Variants in SYDE2 observed in about 807,000 individuals in gnomAD.
The protein encoded by SYDE2 is synapse defective Rho GTPase homolog 2.
In SYDE2, 76 loss-of-function variants were observed where a neutral mutation model predicts 91.5. That is an observed-to-expected ratio of 0.83 (90% confidence interval 0.69 to 1.01). The LOEUF (loss-of-function observed/expected upper bound fraction) is 1.01, where lower values mean the gene tolerates loss of function less well. SYDE2 is among the 50% of genes least tolerant of loss of function. SYDE2 has a pLI of 0.00. For synonymous variants in SYDE2, 513 were observed against 506.4 expected (o/e 1.01, Z -0.18); for missense variants, 1,364 against 1,367.7 (o/e 1.00, Z 0.04).
At chr1:85,172,407 G>T (rs1270692182) in intron 4 of SYDE2, among the ~76,000 whole-genome samples, 1 of 152,138 alleles carries the variant, frequency 6.6e-6, no homozygotes, top group Non-Finnish European at 1.5e-5. Flanking sequence ...TAATGACTTT[G>T]AAGTACATGG....
chr1:85,191,349 T>A (rs1658355804), intron 1 of SYDE2, among the ~76,000 whole-genome samples: 2 of 152,168 alleles, frequency 1.3e-5, no homozygotes, highest in South Asian at 4.1e-4. Flanking sequence ...GGCCCCAGAT[T>A]AGAAGCAGGT....
Position 85,169,199 on chromosome 1 carries a change from G to A in SYDE2, c.2698C>T (p.Leu900Phe), listed in dbSNP as rs749986449. ...TGCTTTGTTATCAGAGGAGAAGGGAGTTCTCTTAAATAATCCTTAAGAACA... is the reference window on the plus strand; with the variant it reads ...TGCTTTGTTATCAGAGGAGAAGGGAATTCTCTTAAATAATCCTTAAGAACA... ...TGVLKDYLRE[L>F]PSPLITKQLY... Residue 900 changes from leucine to phenylalanine, a missense_variant, in exon 5 of 7, where the codon CTC (leucine) becomes TTC (phenylalanine). Transcript: ENST00000341460. 3.1e-6 allele frequency: 5 copies of A among 1,613,148 alleles called. No homozygotes were observed. In the South Asian group the frequency reaches 5.5e-5, roughly 18 times the overall value.
chr1:85,189,901 T>C (rs1658294407), intron 2 of SYDE2, among the ~76,000 whole-genome samples, 156 bp downstream of exon 2: 1 of 152,248 alleles, frequency 6.6e-6, no homozygotes, highest in Non-Finnish European at 1.5e-5. Context: ...TTAAAATGTT[T>C]ATAAAACTTT....
At chr1:85,191,713 G>A (rs919913469) in intron 1 of SYDE2, among the ~76,000 whole-genome samples, 5 of 149,474 alleles carry the variant, frequency 3.3e-5, no homozygotes, top group South Asian at 2.1e-4. Flanking sequence ...AGCCGAGATC[G>A]TGCCACTGCA....
In SYDE2 at chr1:85,183,200, C is replaced by T; in HGVS notation, c.1442G>A (p.Gly481Asp). 6.5e-7 allele frequency: 1 copy of T among 1,536,718 alleles called. No individual in the cohort carries two copies. The highest frequency in any genetic ancestry group is 8.7e-7 in the Non-Finnish European group (1 of 1,148,650). Residue 481 changes from glycine (G) to aspartate (D), a missense_variant and splice_region_variant, in exon 3 of 7, where the codon GGT becomes GAT. Physicochemically the swap from Gly to Asp is moderately conservative, Grantham distance 94. Transcript: ENST00000341460. ...DSPMLKSPFA[G>D]SGILAATNST... ...ATTTGTAGCAGCCAGGATCCCAGAA[C>T]CTTAAAAGAAAGAAAGAAAAATACG... is the stretch of plus-strand genomic sequence containing the variant.
chr1:85,153,536 T>C (rs1656818169), downstream of SYDE2: 1 of 152,168 alleles, frequency 6.6e-6, no homozygotes, highest in African/African-American at 2.4e-5. Context: ...CTATGTAAAT[T>C]CTAAGAAAGG....
intron 1 of SYDE2, among the ~76,000 whole-genome samples, chr1:85,195,158 T>TA (rs71818368): frequency 0.026 from 3,732 of 143,544 alleles, 67 homozygotes; most frequent in African/African-American, 0.049. Context: ...AGACTCCATC[T>TA]AAAAAAAAAA....
intron 3 of SYDE2, 125 bp downstream of exon 3, chr1:85,181,973 A>G: frequency 9.3e-7 from 1 of 1,071,404 alleles, no homozygotes; most frequent in Non-Finnish European, 1.3e-6. Flanking sequence ...TGGAATAAAA[A>G]TAAAGAATAG....
intron 2 of SYDE2, among the ~76,000 whole-genome samples, chr1:85,186,746 G>A (rs1341887029): frequency 1.3e-5 from 2 of 151,688 alleles, no homozygotes; most frequent in Non-Finnish European, 2.9e-5. Flanking sequence ...ACAAACCTGA[G>A]AAAAACAAGC....
rs760572063 is a variant in SYDE2 at position 85,190,606 on chromosome 1, G to C, written c.892C>G (p.Pro298Ala). The change falls in exon 2 of 7, where the codon CCT (proline) becomes GCT (alanine). Residue 298 changes from proline to alanine, a missense_variant. By Grantham distance (27) the Pro-to-Ala change is conservative. Coordinates refer to ENST00000341460, the MANE Select transcript of SYDE2 (RefSeq NM_032184.2). ...RNWLYQSTLR[P>A]LNLEEENKKC... is the part of the protein sequence containing the mutation. ...TTATTTTCTTCTTCCAGATTAAGAG[G>C]CCTCAGAGTACTCTGATATAGCCAA... is the stretch of plus-strand genomic sequence containing the variant. 45 of 1,613,750 alleles carry C rather than the reference G, an allele frequency of 2.8e-5. No homozygotes were observed. Among genetic ancestry groups the C allele is most frequent in the Non-Finnish European group, 3.6e-5 (43 of 1,179,864 alleles).
intron 1 of SYDE2, among the ~76,000 whole-genome samples, chr1:85,195,390 C>G (rs1030884572): frequency 1.3e-5 from 2 of 152,072 alleles, no homozygotes; most frequent in African/African-American, 4.8e-5. Context: ...TAGAGTCAAA[C>G]TTGGCAGTCC....
chr1:85,186,112 A>G (rs1658129204), intron 2 of SYDE2, among the ~76,000 whole-genome samples: 1 of 151,828 alleles, frequency 6.6e-6, no homozygotes. Context: ...TGATTTGCGT[A>G]TATTGAACCA....
At position 85,178,185 on chromosome 1, in the gene SYDE2, G is replaced by C. The variant is rs747225697; in HGVS notation, c.2632C>G (p.Leu878Val). 2.5e-6 allele frequency: 4 copies of C among 1,584,730 alleles called. No homozygotes were observed. Among genetic ancestry groups the C allele is most frequent in the Non-Finnish European group, 3.4e-6 (4 of 1,164,160 alleles). Residue 878 changes from leucine to valine, a missense_variant, in exon 4 of 7, where the codon CTG becomes GTG. Leu to Val is a conservative substitution (Grantham distance 32). Transcript: ENST00000341460. ...ATATCTGGGTACTGGTTTTCACACA[G>C]ACCAACAGCTTTGCTATCTCTCTCA... Reference protein sequence around the residue: ...AFERDSKAVGLCENQYPDINV... With the variant: ...AFERDSKAVGVCENQYPDINV...
intron 1 of SYDE2, among the ~76,000 whole-genome samples, chr1:85,192,396 A>C (rs1281681895): frequency 1.3e-5 from 2 of 152,362 alleles, no homozygotes; most frequent in African/African-American, 4.8e-5. Context: ...CAACAGAGTG[A>C]GACCCTGTCT....
intron 2 of SYDE2, among the ~76,000 whole-genome samples, chr1:85,185,128 T>C (rs1482475617): frequency 6.7e-6 from 1 of 150,340 alleles, no homozygotes; most frequent in Admixed American, 6.6e-5. Flanking sequence ...TGTCTAAATA[T>C]TTCCTTTGGT....
In SYDE2 at chr1:85,165,542, C is replaced by T. The variant is rs193051902; in HGVS notation, c.2854-785G>A. ...CTATAATGATTTGGATTATGAAAGACATGTTTAAAAGGCCAATATGCTTCT... is the reference window on the plus strand; with the variant it reads ...CTATAATGATTTGGATTATGAAAGATATGTTTAAAAGGCCAATATGCTTCT... On this transcript the variant is annotated intron_variant, in intron 5 of 6. Coordinates refer to ENST00000341460, the MANE Select transcript of SYDE2 (RefSeq NM_032184.2). Among the ~76,000 whole-genome samples the T allele has an allele frequency of 3.6e-3, 543 of 151,498 alleles. 3 individuals are homozygous for T. The highest frequency in any genetic ancestry group is 0.013 in the African/African-American group (518 of 41,326).
chr1:85,193,533 TAC>T, intron 1 of SYDE2, among the ~76,000 whole-genome samples: 1 of 152,222 alleles, frequency 6.6e-6, no homozygotes, highest in Non-Finnish European at 1.5e-5. Context: ...TGCAAGGAAC[TAC>T]AGTGAGAAAA....
At chr1:85,164,400 T>C in intron 6 of SYDE2, 126 bp downstream of exon 6, 1 of 621,782 alleles carries the variant, frequency 1.6e-6, no homozygotes, top group South Asian at 2.8e-5. Context: ...CAGGTATCAA[T>C]TCACAACATT....
chr1:85,169,079 C>T lies in SYDE2; in HGVS notation c.2818G>A (p.Val940Ile). The change falls in exon 5 of 7, where the codon GTT (valine) becomes ATT (isoleucine). Residue 940 changes from valine (V) to isoleucine (I), a missense_variant. Transcript: ENST00000341460. ...ENDPGDSKYT[V>I]DLLDCLPEIE... ...TCTGGCAGACAATCCAGCAGGTCAA[C>T]AGTGTACTTAGAGTCACCTGGGTCA... 3 of 1,613,894 alleles carry T rather than the reference C, an allele frequency of 1.9e-6. No individual in the cohort carries two copies. The highest frequency in any genetic ancestry group is 2.5e-6 in the Non-Finnish European group (3 of 1,179,826).
Sources: allele counts gnomAD v4.1 joint callset (sites outside exome capture counted in the v4.1 genomes callset), GRCh38; gene constraint gnomAD v4.1.1; transcripts MANE v1.5; gene names NCBI Gene and HGNC (gene_info 2026-07-23, HGNC 2026-07-21).